TEX36: variants seen among roughly 807,000 people sequenced by gnomAD.
TEX36 encodes the protein testis expressed 36.
A neutral mutation model predicts 13.6 loss-of-function variants in TEX36; 12 were observed. That is an observed-to-expected ratio of 0.88 (90% confidence interval 0.56 to 1.43). The LOEUF (loss-of-function observed/expected upper bound fraction) is 1.43. Among genes scored for constraint, TEX36 ranks in the 40% most tolerant of loss-of-function variants. TEX36 has a pLI of 0.00. For synonymous variants in TEX36, 93 were observed against 83.0 expected (o/e 1.12, Z -0.65); for missense variants, 224 against 228.3 (o/e 0.98, Z 0.12).
chr10:125,593,233 G>A (rs1846044176), intron 3 of TEX36, among the ~76,000 whole-genome samples: 1 of 152,154 alleles, frequency 6.6e-6, no homozygotes, highest in South Asian at 2.1e-4. Context: ...GCTACTTTGG[G>A]GATTCCAAGG....
chr10:125,582,626 G>A (rs934858984), intron 3 of TEX36, among the ~76,000 whole-genome samples: 8 of 152,056 alleles, frequency 5.3e-5, no homozygotes, highest in Non-Finnish European at 8.8e-5. Context: ...GTGATTCAGC[G>A]GCATACACCT....
At chr10:125,623,656 G>C (rs1215161720) in intron 3 of TEX36, among the ~76,000 whole-genome samples, 1 of 152,030 alleles carries the variant, frequency 6.6e-6, no homozygotes, top group Non-Finnish European at 1.5e-5. Flanking sequence ...GAAGGTGCGA[G>C]GCCCTGTACG....
chr10:125,669,841 G>A (rs776921035), intron 1 of TEX36, among the ~76,000 whole-genome samples: 4 of 152,314 alleles, frequency 2.6e-5, no homozygotes, highest in South Asian at 4.1e-4. Flanking sequence ...AAGTGAGAAC[G>A]TGATAGTGTT....
chr10:125,603,474 C>T (rs1340601424), intron 3 of TEX36, among the ~76,000 whole-genome samples: 1 of 152,122 alleles, frequency 6.6e-6, no homozygotes, highest in Non-Finnish European at 1.5e-5. Flanking sequence ...CCCAGTGCTT[C>T]TCTTCTCTAA....
chr10:125,614,602 C>T (rs1212859402), intron 3 of TEX36, among the ~76,000 whole-genome samples: 93 of 152,136 alleles, frequency 6.1e-4, no homozygotes, highest in African/African-American at 2.2e-3. Flanking sequence ...AGATATGCAG[C>T]GTTATTTCTG....
chr10:125,595,561 C>T lies in TEX36; in HGVS notation c.265-18687G>A, dbSNP rs114760983. On this transcript the variant is annotated intron_variant, in intron 3 of 3. Coordinates refer to the TEX36 transcript ENST00000532135. Reference sequence around the variant, plus strand: ...CTCCTGCTCAATATGTGCTGCCTTCCCTCTGTGCTCCTCCCCAGCCACCTT... The same window carrying T: ...CTCCTGCTCAATATGTGCTGCCTTCTCTCTGTGCTCCTCCCCAGCCACCTT... Among the ~76,000 whole-genome samples, 444 of 152,272 alleles carry T rather than the reference C, an allele frequency of 2.9e-3. 4 individuals are homozygous for T. Among genetic ancestry groups the T allele is most frequent in the African/African-American group, 9.6e-3 (399 of 41,554 alleles).
chr10:125,671,207 T>C (rs538245865), intron 1 of TEX36, among the ~76,000 whole-genome samples: 8 of 152,358 alleles, frequency 5.3e-5, no homozygotes, highest in Middle Eastern at 6.8e-3. Context: ...CCTTGTCTTG[T>C]GCTGGTTTTC....
At chr10:125,662,334 G>C (rs1490578713) in intron 1 of TEX36, among the ~76,000 whole-genome samples, 1 of 152,152 alleles carries the variant, frequency 6.6e-6, no homozygotes, top group African/African-American at 2.4e-5. Context: ...GGAGCTCCCA[G>C]TACTGAGGAC....
chr10:125,592,444 T>C (rs1472471740), intron 3 of TEX36, among the ~76,000 whole-genome samples: 2 of 152,178 alleles, frequency 1.3e-5, no homozygotes, highest in African/African-American at 4.8e-5. Flanking sequence ...TTGAATTTTA[T>C]GTTGAGATTT....
intron 3 of TEX36, among the ~76,000 whole-genome samples, chr10:125,642,987 A>G (rs188636639): frequency 0.011 from 1,632 of 152,316 alleles, 33 homozygotes; most frequent in Non-Finnish European, 0.011. Flanking sequence ...CTACAAATGT[A>G]TTCACTGTTC....
At chr10:125,671,459 C>T (rs1030562015) in intron 1 of TEX36, among the ~76,000 whole-genome samples, 27 of 152,294 alleles carry the variant, frequency 1.8e-4, no homozygotes, top group African/African-American at 6.0e-4. Context: ...ATTGAACCAG[C>T]CTTGCATCCT....
At position 125,671,436 on chromosome 10, in the gene TEX36, T is replaced by C. The variant is rs1450744786; in HGVS notation, c.52-9459A>G. Among the ~76,000 whole-genome samples the C allele has an allele frequency of 2.6e-5, 4 of 152,364 alleles. No individual in the cohort carries two copies. In the East Asian group the frequency reaches 5.8e-4, roughly 22 times the overall value. ...CTGTTCATGTGATGAATTACATTTA[T>C]TGATTTGCATACATTGAACCAGCCT... On this transcript the variant is annotated intron_variant, in intron 1 of 3. Coordinates refer to ENST00000368821, the MANE Select transcript of TEX36 (RefSeq NM_001128202.3).
At chr10:125,680,454 G>A (rs1847376093) in intron 1 of TEX36, among the ~76,000 whole-genome samples, 1 of 152,156 alleles carries the variant, frequency 6.6e-6, no homozygotes, top group South Asian at 2.1e-4. Context: ...GTTAGATATT[G>A]TAACCGTGAA....
chr10:125,586,501 T>G (rs1037703289), intron 3 of TEX36, among the ~76,000 whole-genome samples: 3 of 151,984 alleles, frequency 2.0e-5, no homozygotes, highest in African/African-American at 7.3e-5. Flanking sequence ...TAATAGTCTA[T>G]CAAAAAGATT....
At chr10:125,676,746 T>C (rs1847319678) in intron 1 of TEX36, among the ~76,000 whole-genome samples, 1 of 152,170 alleles carries the variant, frequency 6.6e-6, no homozygotes, top group Non-Finnish European at 1.5e-5. Flanking sequence ...ATTTCTGTAG[T>C]GGTACAATTT....
chr10:125,641,410 C>T, intron 3 of TEX36, among the ~76,000 whole-genome samples: 1 of 152,200 alleles, frequency 6.6e-6, no homozygotes, highest in East Asian at 1.9e-4. Context: ...TGTCTGAGGG[C>T]CTTTACATCT....
chr10:125,656,837 C>T (rs996250945), intron 3 of TEX36, among the ~76,000 whole-genome samples: 3 of 152,036 alleles, frequency 2.0e-5, no homozygotes, highest in African/African-American at 7.2e-5. Flanking sequence ...AGGTAGGTTC[C>T]CTTCACTCCC....
At chr10:125,599,296 C>T (rs193294911) in intron 3 of TEX36, among the ~76,000 whole-genome samples, 29 of 152,274 alleles carry the variant, frequency 1.9e-4, no homozygotes, top group East Asian at 1.4e-3. Context: ...ACCAGGGAGA[C>T]GCATGTCCTG....
intron 3 of TEX36, among the ~76,000 whole-genome samples, chr10:125,634,165 A>T (rs191570501): frequency 5.6e-4 from 85 of 152,236 alleles, no homozygotes; most frequent in Admixed American, 3.9e-3. Flanking sequence ...ATGATTTTTT[A>T]AAAATCCTGT....
Sources: gnomAD v4.1 joint callset for allele counts (sites outside exome capture counted in the v4.1 genomes callset) on GRCh38, gnomAD v4.1.1 for gene constraint, MANE v1.5 for transcripts, NCBI Gene and HGNC (gene_info 2026-07-23, HGNC 2026-07-21) for gene names.